Variants in MLIP observed in about 807,000 individuals in gnomAD.
MLIP encodes muscular LMNA interacting protein, also known as muscular LMNA-interacting protein.
A neutral mutation model predicts 84.8 loss-of-function variants in MLIP; 79 were observed. The ratio of observed to expected loss-of-function variants is 0.93; its 90% CI spans 0.78 to 1.12. The LOEUF is 1.12. Ranked by LOEUF, MLIP falls within the 50% of genes most tolerant of loss-of-function variation. The pLI is 0.00. For missense variants in MLIP, 1,257 were observed against 1,160.6 expected (o/e 1.08, Z -1.21); for synonymous variants, 504 against 463.0 (o/e 1.09, Z -1.14).
intron 1 of MLIP, among the ~76,000 whole-genome samples, chr6:54,092,485 T>C (rs1767931844): frequency 6.6e-6 from 1 of 152,152 alleles, no homozygotes; most frequent in African/African-American, 2.4e-5. Context: ...AGGCAAGTAG[T>C]ACCGTAAAAG....
intron 1 of MLIP, among the ~76,000 whole-genome samples, chr6:54,051,432 A>G (rs1383925049): frequency 1.3e-5 from 2 of 152,100 alleles, no homozygotes; most frequent in African/African-American, 2.4e-5. Context: ...GGAAAACTCA[A>G]ATTTACTGAT....
At chr6:54,087,816 C>CTT (rs3996980) in intron 1 of MLIP, among the ~76,000 whole-genome samples, 76,939 of 149,064 alleles carry the variant, frequency 0.52, 22,953 homozygotes, top group Non-Finnish European at 0.68. Flanking sequence ...GAAAGATACT[C>CTT]TTTTTTTTTT....
intron 11 of MLIP, chr6:54,217,509 C>T (rs1582532922): frequency 1.0e-6 from 1 of 985,234 alleles, no homozygotes; most frequent in Non-Finnish European, 1.2e-6. Flanking sequence ...TTAATATATT[C>T]ACTGCATATT....
chr6:54,112,432 A>T (rs969329556), intron 1 of MLIP, among the ~76,000 whole-genome samples: 2 of 152,210 alleles, frequency 1.3e-5, no homozygotes, highest in African/African-American at 4.8e-5. Flanking sequence ...TAAGTTAAGG[A>T]TGCTAGGTAA....
chr6:54,197,575 AT>A (rs1205082286), intron 10 of MLIP, among the ~76,000 whole-genome samples: 3 of 151,760 alleles, frequency 2.0e-5, no homozygotes, highest in African/African-American at 7.3e-5. Flanking sequence ...GAATCTTCTC[AT>A]TTTTTTTCTT....
rs146052426 is a variant in MLIP at position 54,160,191 on chromosome 6, CACTTAA to C, written c.2290-169_2290-164del. Among the ~76,000 whole-genome samples the C allele has an allele frequency of 8.2e-3, 1,247 of 152,078 alleles. 15 individuals carry two copies. The highest frequency in any genetic ancestry group is 0.028 in the African/African-American group (1,158 of 41,512). On this transcript the variant is annotated intron_variant, in intron 5 of 13. Coordinates refer to ENST00000502396, the MANE Select transcript of MLIP (RefSeq NM_001281747.2). Reference sequence around the variant, plus strand: ...AAAAATTTACTCAAGATGGATTAAACACTTAAACTTAAGACCTAAAAGAAAAATGTC... The same window carrying C: ...AAAAATTTACTCAAGATGGATTAAACACTTAAGACCTAAAAGAAAAATGTC...
intron 5 of MLIP, among the ~76,000 whole-genome samples, chr6:54,155,663 C>T (rs1010552610): frequency 6.6e-6 from 1 of 152,092 alleles, no homozygotes; most frequent in Non-Finnish European, 1.5e-5. Flanking sequence ...ACACTCATAA[C>T]TGGGAATACC....
chr6:54,182,357 C>T (rs1776962725), intron 9 of MLIP, among the ~76,000 whole-genome samples: 1 of 152,172 alleles, frequency 6.6e-6, no homozygotes, highest in Admixed American at 6.5e-5. Flanking sequence ...AGTGCACAGA[C>T]TCTCTGTGCT....
intron 10 of MLIP, among the ~76,000 whole-genome samples, chr6:54,196,657 T>C (rs1812975846): frequency 6.6e-6 from 1 of 152,120 alleles, no homozygotes; most frequent in Non-Finnish European, 1.5e-5. Context: ...TATTGAATTA[T>C]AGTCAGCACA....
At chr6:54,098,148 CTTT>C (rs5876357) in intron 1 of MLIP, among the ~76,000 whole-genome samples, 3 of 123,846 alleles carry the variant, frequency 2.4e-5, no homozygotes, top group East Asian at 2.2e-4. Flanking sequence ...ATTTTTCTTT[CTTT>C]TTTTTTTTTT....
intron 13 of MLIP, 79 bp downstream of exon 13, chr6:54,257,440 T>C (rs1439812760): frequency 3.6e-6 from 4 of 1,117,604 alleles, no homozygotes; most frequent in East Asian, 4.8e-5. Flanking sequence ...ATTTTTTTAA[T>C]GTTAACAAAA....
intron 1 of MLIP, among the ~76,000 whole-genome samples, chr6:54,022,934 G>T (rs1763579328): frequency 6.6e-6 from 1 of 152,072 alleles, no homozygotes. Flanking sequence ...TTAGGAGGCC[G>T]AGGTGGGCGG....
intron 1 of MLIP, among the ~76,000 whole-genome samples, chr6:54,120,529 G>T (rs895019574): frequency 6.6e-6 from 1 of 152,118 alleles, no homozygotes; most frequent in East Asian, 1.9e-4. Context: ...AGGAGCCACC[G>T]CTCCCGGCTG....
rs1387908963 is a variant in MLIP at position 54,265,991 on chromosome 6, G to GT, written c.*42dup. ...GAGGCTGAAAACACAGGCTGCTGAA[G>GT]TTTTTTGGAATGCTGGTGCTAACCA... On this transcript the variant is annotated 3_prime_UTR_variant, in exon 14 of 14. Coordinates refer to ENST00000502396, the MANE Select transcript of MLIP (RefSeq NM_001281747.2). 2 of 1,605,880 alleles carry GT rather than the reference G, an allele frequency of 1.2e-6. No individual in the cohort carries two copies. The highest frequency in any genetic ancestry group is 1.7e-5 in the Admixed American group (1 of 59,670).
chr6:54,262,767 A>G (rs1400917769), intron 13 of MLIP, among the ~76,000 whole-genome samples: 1 of 152,074 alleles, frequency 6.6e-6, no homozygotes, highest in African/African-American at 2.4e-5. Context: ...TACAATGATG[A>G]GTTTTCTAAA....
rs73741466 is a variant in MLIP at position 54,199,732 on chromosome 6, C to T, written c.2590-2373C>T. 5.5e-3 allele frequency among the ~76,000 whole-genome samples: 843 copies of T among 152,172 alleles called. 11 individuals are homozygous for T. The highest frequency in any genetic ancestry group is 0.018 in the African/African-American group (744 of 41,524). On this transcript the variant is annotated intron_variant, in intron 10 of 13. Coordinates refer to ENST00000502396, the MANE Select transcript of MLIP (RefSeq NM_001281747.2). ...ATGTCAAAGGCAAACTATGTGTAGT[C>T]GTCTTTTGCCTAGAGTTGGCTTCCA...
intron 1 of MLIP, among the ~76,000 whole-genome samples, chr6:54,028,005 CTG>C (rs1303343153): frequency 1.3e-5 from 2 of 152,242 alleles, no homozygotes; most frequent in East Asian, 3.9e-4. Flanking sequence ...TCTAGTTGTT[CTG>C]TCTCAAGTAC....
At chr6:54,136,030 T>C (rs562324407) in intron 3 of MLIP, among the ~76,000 whole-genome samples, 1 of 152,232 alleles carries the variant, frequency 6.6e-6, no homozygotes, top group Non-Finnish European at 1.5e-5. Context: ...TCTTCCAGCA[T>C]GACCCAAATC....
At chr6:54,199,568 G>T (rs1207000677) in intron 10 of MLIP, among the ~76,000 whole-genome samples, 2 of 152,090 alleles carry the variant, frequency 1.3e-5, no homozygotes, top group South Asian at 2.1e-4. Flanking sequence ...CAGATGACTT[G>T]TTAGTATACC....
Sources: allele counts gnomAD v4.1 joint callset (sites outside exome capture counted in the v4.1 genomes callset), GRCh38; gene constraint gnomAD v4.1.1; transcripts MANE v1.5; gene names NCBI Gene and HGNC (gene_info 2026-07-23, HGNC 2026-07-21).